IL20RA: variants seen among roughly 807,000 people sequenced by gnomAD.
IL20RA encodes interleukin 20 receptor subunit alpha.
IL20RA carries 29 observed loss-of-function variants against 36.5 expected under a neutral mutation model. The observed-to-expected ratio is 0.79, with a 90% CI of 0.59 to 1.08. The LOEUF (loss-of-function observed/expected upper bound fraction) is 1.08, where lower values mean the gene tolerates loss of function less well. IL20RA is among the 50% of genes least tolerant of loss of function. The pLI is 0.00. For missense variants in IL20RA, 652 were observed against 668.4 expected, an observed-to-expected ratio of 0.98 and a Z score of 0.27; for synonymous variants, 279 against 267.1, an observed-to-expected ratio of 1.04 and a Z score of -0.43.
intron 1 of IL20RA, among the ~76,000 whole-genome samples, chr6:137,018,292 G>T (rs1034482567): frequency 2.0e-5 from 3 of 152,086 alleles, no homozygotes; most frequent in African/African-American, 7.2e-5. Context: ...TATTTTGCAA[G>T]CCAAGTGAAA....
At position 137,002,234 on chromosome 6, in the gene IL20RA, A is replaced by G. The variant is rs1775096691; in HGVS notation, c.986T>C (p.Leu329Ser). 1 of 1,614,170 alleles carries G rather than the reference A, an allele frequency of 6.2e-7. No individual in the cohort carries two copies. Among genetic ancestry groups the G allele is most frequent in the Non-Finnish European group, 8.5e-7 (1 of 1,180,002 alleles). Residue 329 changes from leucine to serine, a missense_variant, in exon 7 of 7, where the codon TTA becomes TCA. By Grantham distance (145) the Leu-to-Ser change is moderately radical (BLOSUM62 -2). Transcript: ENST00000316649. ...GGATACATCACTGCTTTTTCCCAGT[A>G]AACTCATATCCTGATGAGAAATTTT... ...DSKISHQDMS[L>S]LGKSSDVSSL... is the part of the protein sequence containing the mutation.
In IL20RA at chr6:137,038,205, C is replaced by CTTTTTTTTTTTTTTTTTT. The variant is rs780099085; in HGVS notation, c.88+6418_88+6435dup. 17 of 71,450 alleles carry CTTTTTTTTTTTTTTTTTT rather than the reference C, an allele frequency of 2.4e-4. 3 individuals are homozygous for CTTTTTTTTTTTTTTTTTT. Among genetic ancestry groups the CTTTTTTTTTTTTTTTTTT allele is most frequent in the Non-Finnish European group, 3.3e-4 (13 of 39,910 alleles). 4.4% of individuals were successfully genotyped at this position (71,450 alleles called of 1,614,324 possible). On this transcript the variant is annotated intron_variant, in intron 1 of 6. Coordinates refer to ENST00000316649, the MANE Select transcript of IL20RA (RefSeq NM_014432.4). ...TTCTTTCTATAGTTCTTTTGTTCTCCTTTTTTTTTTTTTTTTTTTTTTTTT... is the reference window on the plus strand; with the variant it reads ...TTCTTTCTATAGTTCTTTTGTTCTCCTTTTTTTTTTTTTTTTTTTTTTTTTTTTTTTTTTTTTTTTTTT...
chr6:137,010,715 G>A (rs1481850958), intron 3 of IL20RA, among the ~76,000 whole-genome samples: 1 of 152,176 alleles, frequency 6.6e-6, no homozygotes, highest in African/African-American at 2.4e-5. Context: ...ACACTACCAA[G>A]TTCATACAAG....
chr6:137,023,052 CATGTGGATATCTT>C (rs1775960218), intron 1 of IL20RA, among the ~76,000 whole-genome samples: 1 of 152,142 alleles, frequency 6.6e-6, no homozygotes, highest in Non-Finnish European at 1.5e-5. Context: ...CAGTGCCTAC[CATGTGGATATCTT>C]ATGGTGAATA....
At chr6:137,004,178 T>C (rs1775192231) in intron 6 of IL20RA, among the ~76,000 whole-genome samples, 1 of 143,616 alleles carries the variant, frequency 7.0e-6, no homozygotes, top group South Asian at 2.4e-4. Context: ...TTTTTTTTTT[T>C]TTTTTTTGAG....
At chr6:137,007,178 G>C (rs1035299955) in intron 5 of IL20RA, among the ~76,000 whole-genome samples, 1 of 152,206 alleles carries the variant, frequency 6.6e-6, no homozygotes, top group Non-Finnish European at 1.5e-5. Flanking sequence ...TTAGTAAAGA[G>C]AGCACTTCTC....
intron 1 of IL20RA, among the ~76,000 whole-genome samples, chr6:137,040,226 G>A (rs895461895): frequency 6.6e-6 from 1 of 152,114 alleles, no homozygotes; most frequent in African/African-American, 2.4e-5. Flanking sequence ...TTGTTAGGTT[G>A]AAATTAGTGG....
At chr6:137,003,076 C>G (rs1775141431) in intron 6 of IL20RA, among the ~76,000 whole-genome samples, 1 of 152,172 alleles carries the variant, frequency 6.6e-6, no homozygotes, top group South Asian at 2.1e-4. Context: ...TGTCACTCTA[C>G]CATGTGATTT....
chr6:137,011,599 C>G (rs1775503286), intron 2 of IL20RA, 147 bp from the exon 3 acceptor site: 1 of 531,438 alleles, frequency 1.9e-6, no homozygotes, highest in African/African-American at 1.9e-5. Flanking sequence ...AAAGAATCCA[C>G]TTTTGCGGTG....
intron 1 of IL20RA, among the ~76,000 whole-genome samples, chr6:137,022,228 G>A (rs151329942): frequency 3.9e-5 from 6 of 152,078 alleles, no homozygotes; most frequent in South Asian, 2.1e-4. Flanking sequence ...TAGGAGGTCC[G>A]TTCCTTTTCC....
At position 137,001,984 on chromosome 6, in the gene IL20RA, C is replaced by T. The variant is rs1383488815; in HGVS notation, c.1236G>A (p.Ala412=). 11 of 1,614,054 alleles carry T rather than the reference C, an allele frequency of 6.8e-6. No individual in the cohort carries two copies. The highest frequency in any genetic ancestry group is 6.7e-5 in the Admixed American group (4 of 60,006). Residue 412 remains alanine (A), a synonymous_variant, in exon 7 of 7, where the codon GCG becomes GCA. Coordinates refer to ENST00000316649, the MANE Select transcript of IL20RA (RefSeq NM_014432.4). ...EYDVRTTDIC[A]GPEEQELSLQ... ...AACTGAGCTCCTGCTCTTCAGGCCC[C>T]GCACAAATGTCAGTGGTTCTGACAT...
Position 137,001,287 on chromosome 6 carries a change from A to C in IL20RA, c.*271T>G. On this transcript the variant is annotated 3_prime_UTR_variant, in exon 7 of 7. Transcript: ENST00000316649. ...GTACACCCACCTGAATAAATTCTGC[A>C]CCCAGTCTGGCAAACATTTATTGAC... The C allele has an allele frequency of 3.2e-6, 1 of 310,708 alleles. No individual in the cohort carries two copies. Among genetic ancestry groups the C allele is most frequent in the Non-Finnish European group, 5.9e-6 (1 of 169,382 alleles). 19.2% of individuals were successfully genotyped at this position (310,708 alleles called of 1,614,324 possible).
At chr6:137,002,785 T>C (rs1265277972) in intron 6 of IL20RA, among the ~76,000 whole-genome samples, 3 of 152,236 alleles carry the variant, frequency 2.0e-5, no homozygotes, top group Non-Finnish European at 2.9e-5. Context: ...AAGCTGTGGT[T>C]ACCTGGGCTA....
At chr6:137,004,174 T>TTTTTTTTTAG (rs1775190766) in intron 6 of IL20RA, among the ~76,000 whole-genome samples, 5 of 124,450 alleles carry the variant, frequency 4.0e-5, no homozygotes, top group Non-Finnish European at 6.7e-5. Context: ...TTTTTTTTTT[T>TTTTTTTTTAG]TTTTTTTTTT....
At chr6:137,005,556 T>G (rs1775249547) in intron 5 of IL20RA, among the ~76,000 whole-genome samples, 1 of 152,178 alleles carries the variant, frequency 6.6e-6, no homozygotes, top group Admixed American at 6.5e-5. Context: ...TACTTGGAAG[T>G]TGTGATGGTA....
chr6:137,034,508 T>C (rs537730219), intron 1 of IL20RA, among the ~76,000 whole-genome samples: 1 of 152,302 alleles, frequency 6.6e-6, no homozygotes, highest in Admixed American at 6.5e-5. Context: ...TATCAACCCA[T>C]CACCTAGGTG....
Position 137,021,502 on chromosome 6 carries a change from C to CA in IL20RA, c.89-4400dup, listed in dbSNP as rs3041896. On this transcript the variant is annotated intron_variant, in intron 1 of 6. Transcript: ENST00000316649. ...CAACATGGTGAAACCCTGTTTCTAG[C>CA]AAAAAAAAAAAAACACAAGAAACAA... Among the ~76,000 whole-genome samples the CA allele has an allele frequency of 2.3e-3, 322 of 140,068 alleles. 4 individuals are homozygous for CA. Among genetic ancestry groups the CA allele is most frequent in the Middle Eastern group, 3.6e-3 (1 of 274 alleles). The allele number at this position is 140,068 out of a possible 152,430, so 91.9% of individuals were successfully genotyped here. A position where few individuals can be genotyped will look rare whatever the true frequency, so the allele number is the denominator to read the frequency against.
chr6:137,018,652 T>C (rs1158889872), intron 1 of IL20RA, among the ~76,000 whole-genome samples: 1 of 152,056 alleles, frequency 6.6e-6, no homozygotes, highest in Admixed American at 6.6e-5. Context: ...GTGTTGGTAT[T>C]TTCTGGAGAT....
chr6:137,007,298 C>CAG (rs1160622426), intron 5 of IL20RA, among the ~76,000 whole-genome samples: 5 of 152,320 alleles, frequency 3.3e-5, no homozygotes, highest in African/African-American at 1.2e-4. Flanking sequence ...ATGATAAAGA[C>CAG]AGAGAGTCAA....
Sources: gnomAD v4.1 joint callset for allele counts (sites outside exome capture counted in the v4.1 genomes callset) on GRCh38, gnomAD v4.1.1 for gene constraint, MANE v1.5 for transcripts, NCBI Gene and HGNC (gene_info 2026-07-23, HGNC 2026-07-21) for gene names.